C22orf31: variants seen among roughly 807,000 people sequenced by gnomAD.
The protein encoded by C22orf31 is uncharacterized protein C22orf31.
C22orf31 carries 11 observed loss-of-function variants against 15.0 expected under a neutral mutation model. That is an observed-to-expected ratio of 0.73 (90% CI 0.46 to 1.21). The LOEUF (loss-of-function observed/expected upper bound fraction) is 1.21, where lower values mean the gene tolerates loss of function less well. Among genes scored for constraint, C22orf31 ranks in the 50% most tolerant of loss-of-function variants. C22orf31 has a pLI of 0.00. For missense variants in C22orf31, 340 were observed against 347.2 expected (o/e 0.98, Z 0.17); for synonymous variants, 132 against 133.3 (o/e 0.99, Z 0.07).
chr22:29,060,974 T>A, intron 1 of C22orf31, 131 bp from the exon 2 acceptor site: 1 of 738,510 alleles, frequency 1.4e-6, no homozygotes, highest in South Asian at 1.8e-5. Flanking sequence ...CTTAGAAATT[T>A]ACTATATGTC....
At chr22:29,073,831 C>A in the C22orf31 span, among the ~76,000 whole-genome samples, 1 of 152,164 alleles carries the variant, frequency 6.6e-6, no homozygotes, top group Non-Finnish European at 1.5e-5. This position sits in a 1 kb window ranked among gnomAD's most constrained non-coding sequence, Gnocchi z 4.4. Context: ...GACCCCTGCT[C>A]CCCAGTACCT....
chr22:29,067,476 T>C, the C22orf31 span, among the ~76,000 whole-genome samples: 2 of 152,150 alleles, frequency 1.3e-5, no homozygotes, highest in African/African-American at 4.8e-5. Context: ...GACTCTCGCT[T>C]TCTCGCCCAG....
chr22:29,066,567 T>C (rs868733805), upstream of C22orf31, among the ~76,000 whole-genome samples: 934 of 54,050 alleles, frequency 0.017, 52 homozygotes, highest in African/African-American at 0.068. Flanking sequence ...TTTTTTTTTT[T>C]TTTTTTTTTT....
chr22:29,072,208 G>A, the C22orf31 span, among the ~76,000 whole-genome samples: 1 of 152,016 alleles, frequency 6.6e-6, no homozygotes, highest in Admixed American at 6.6e-5. Flanking sequence ...GCAGTGGTGC[G>A]AAGAAGGCTC....
upstream of C22orf31, among the ~76,000 whole-genome samples, chr22:29,064,813 AG>A (rs2037418545): frequency 6.8e-6 from 1 of 147,832 alleles, no homozygotes; most frequent in African/African-American, 2.5e-5. Flanking sequence ...CTGGGACTAC[AG>A]CTGTGAACCA....
chr22:29,060,306 T>C (rs2037374973), intron 2 of C22orf31, 109 bp downstream of exon 2: 1 of 1,067,548 alleles, frequency 9.4e-7, no homozygotes, highest in Non-Finnish European at 1.4e-6. Context: ...GTGCTGAGAT[T>C]ATAGGCGGTA....
the C22orf31 span, among the ~76,000 whole-genome samples, chr22:29,072,574 C>T: frequency 1.3e-5 from 2 of 152,222 alleles, no homozygotes; most frequent in African/African-American, 2.4e-5. Context: ...TGTGAACTCT[C>T]CAAAGCATTC....
chr22:29,062,407 G>A (rs1467639073), upstream of C22orf31, among the ~76,000 whole-genome samples: 3 of 152,142 alleles, frequency 2.0e-5, no homozygotes, highest in Non-Finnish European at 4.4e-5. Context: ...AAGACTACAT[G>A]GTTTCTGGAA....
At chr22:29,065,558 A>G (rs2037423921), upstream of C22orf31, among the ~76,000 whole-genome samples, 1 of 152,198 alleles carries the variant, frequency 6.6e-6, no homozygotes, top group South Asian at 2.1e-4. Flanking sequence ...GATTGACCTC[A>G]CAGAAGTGTT....
At chr22:29,073,212 C>G in the C22orf31 span, 1 of 1,183,934 alleles carries the variant, frequency 8.4e-7, no homozygotes, top group African/African-American at 1.6e-5. This position sits in a 1 kb window ranked among gnomAD's most constrained non-coding sequence, Gnocchi z 4.4. Context: ...TAGCCCCGGC[C>G]TCGGCCCCGG....
the C22orf31 span, among the ~76,000 whole-genome samples, chr22:29,071,241 G>A: frequency 1.7e-4 from 26 of 152,310 alleles, no homozygotes; most frequent in African/African-American, 5.8e-4. Context: ...GAGGCCCAGA[G>A]GATCCTTGAA....
rs768284900 is a variant in C22orf31, at chr22:29,058,868, C to T, written c.747G>A (p.Glu249=). ...AGATGGCACCCTGACTGCAAAGAGC[C>T]TCCCAGAGCTTTTGTTTAATGGCCT... ...LGKAIKQKLW[E]ALCSQGAISE... Residue 249 remains glutamate, a synonymous_variant, in exon 3 of 3, where the codon GAG becomes GAA. Coordinates refer to ENST00000216071, the MANE Select transcript of C22orf31 (RefSeq NM_015370.2). The T allele has an allele frequency of 1.2e-6, 2 of 1,614,210 alleles. No homozygotes were observed. The highest frequency in any genetic ancestry group is 1.7e-6 in the Non-Finnish European group (2 of 1,180,024).
the C22orf31 span, chr22:29,073,196 C>G: frequency 1.9e-5 from 23 of 1,192,214 alleles, no homozygotes; most frequent in Non-Finnish European, 2.3e-5. The surrounding 1 kb of genome is among the most constrained non-coding windows in gnomAD (Gnocchi z 4.4). Context: ...CGGCCCGGCC[C>G]GCGCCTAGCC....
At chr22:29,062,970 G>A (rs2037406097), upstream of C22orf31, among the ~76,000 whole-genome samples, 1 of 151,990 alleles carries the variant, frequency 6.6e-6, no homozygotes, top group Non-Finnish European at 1.5e-5. Context: ...AAATGGCACC[G>A]GGCTCCTGGG....
the C22orf31 span, among the ~76,000 whole-genome samples, chr22:29,070,369 G>A: frequency 6.6e-6 from 1 of 152,332 alleles, no homozygotes; most frequent in African/African-American, 2.4e-5. Context: ...TGGAGGAGGG[G>A]CTGCTGCCAG....
upstream of C22orf31, among the ~76,000 whole-genome samples, chr22:29,063,452 C>T (rs1052649910): frequency 4.9e-4 from 75 of 152,344 alleles, 1 homozygote; most frequent in Non-Finnish European, 8.1e-4. Context: ...AGGCGTGAGC[C>T]TGTGCTCAGC....
At chr22:29,072,421 A>G in the C22orf31 span, among the ~76,000 whole-genome samples, 1 of 152,062 alleles carries the variant, frequency 6.6e-6, no homozygotes, top group Non-Finnish European at 1.5e-5. Flanking sequence ...TAGCCACCGC[A>G]CTCGGCTGTA....
intron 2 of C22orf31, chr22:29,059,762 G>T (rs1386716593): frequency 1.7e-5 from 12 of 698,876 alleles, no homozygotes; most frequent in Non-Finnish European, 2.1e-5. Flanking sequence ...ACCACTGGTT[G>T]TGTGTGTGTG....
At position 29,060,818 on chromosome 22, in the gene C22orf31, G is replaced by A; in HGVS notation, c.29C>T (p.Pro10Leu). The A allele has an allele frequency of 2.5e-6, 4 of 1,613,812 alleles. No individual in the cohort carries two copies. The highest frequency in any genetic ancestry group is 3.4e-6 in the Non-Finnish European group (4 of 1,179,796). Reference sequence around the variant, plus strand: ...TCGGAGTCCATAGATAGGGATGCTGGGGTCTCGTCTCACATTGATTGGGTG... The same window carrying A: ...TCGGAGTCCATAGATAGGGATGCTGAGGTCTCGTCTCACATTGATTGGGTG... MHPINVRRD[P>L]SIPIYGLRQS... The change falls in exon 2 of 3, where the codon CCC (proline) becomes CTC (leucine). Residue 10 changes from proline (P) to leucine (L), a missense_variant. Pro to Leu is a moderately conservative substitution (Grantham distance 98). Coordinates refer to ENST00000216071, the MANE Select transcript of C22orf31 (RefSeq NM_015370.2).
Sources: allele counts gnomAD v4.1 joint callset (sites outside exome capture counted in the v4.1 genomes callset), GRCh38; gene constraint gnomAD v4.1.1; non-coding constraint Gnocchi (gnomAD v3.1); transcripts MANE v1.5; gene names NCBI Gene and HGNC (gene_info 2026-07-23, HGNC 2026-07-21).